Variants in MCM9 observed in about 807,000 individuals in gnomAD.
The protein encoded by MCM9 is minichromosome maintenance 9 homologous recombination repair factor, also known as DNA helicase MCM9.
A neutral mutation model predicts 72.8 loss-of-function variants in MCM9; 55 were observed. The observed-to-expected ratio is 0.76, with a 90% confidence interval of 0.61 to 0.95. MCM9 has a LOEUF of 0.95. MCM9 is among the 40% of genes least tolerant of loss of function. The probability of loss-of-function intolerance (pLI) is 0.00; values close to 1 mark genes in which losing one functional copy is unlikely to be tolerated. For synonymous variants in MCM9, 480 were observed against 503.4 expected, an observed-to-expected ratio of 0.95 and a Z score of 0.62; for missense variants, 1,279 against 1,377.0, an observed-to-expected ratio of 0.93 and a Z score of 1.13.
At chr6:118,905,266 G>T (rs182539991) in intron 8 of MCM9, among the ~76,000 whole-genome samples, 277 of 152,318 alleles carry the variant, frequency 1.8e-3, no homozygotes, top group Admixed American at 5.3e-3. Context: ...CAGTCTATGA[G>T]GAGATCATTT....
At chr6:118,849,949 G>A (rs1226653566) in intron 9 of MCM9, among the ~76,000 whole-genome samples, 1 of 151,826 alleles carries the variant, frequency 6.6e-6, no homozygotes, top group Non-Finnish European at 1.5e-5. Context: ...GAAGAAAACA[G>A]AATGGAAAGG....
chr6:118,829,087 A>T lies in MCM9; in HGVS notation c.1489T>A (p.Trp497Arg). ...LVLLDTKNEDWDRIISSFILE... is the reference protein window; with the variant it reads ...LVLLDTKNEDRDRIISSFILE... ...ATAAAGGAGGAAATGATACGATCCC[A>T]GTCTTCATTCTTGGTATCAAGCAAA... The change falls in exon 10 of 14, where the codon TGG (tryptophan) becomes AGG (arginine). Residue 497 changes from tryptophan to arginine, a missense_variant. Trp to Arg is a moderately radical substitution (Grantham distance 101). Transcript: ENST00000619706. 2 of 1,550,680 alleles carry T rather than the reference A, an allele frequency of 1.3e-6. No individual in the cohort carries two copies. Among genetic ancestry groups the T allele is most frequent in the Non-Finnish European group, 1.7e-6 (2 of 1,147,000 alleles).
chr6:118,822,360 C>T (rs1773873838), intron 13 of MCM9, among the ~76,000 whole-genome samples: 1 of 152,050 alleles, frequency 6.6e-6, no homozygotes, highest in Admixed American at 6.6e-5. Flanking sequence ...GCTAGTTTTT[C>T]TTCTAATAGG....
At chr6:118,866,196 A>C (rs1036976082) in intron 8 of MCM9, among the ~76,000 whole-genome samples, 1 of 152,192 alleles carries the variant, frequency 6.6e-6, no homozygotes, top group Non-Finnish European at 1.5e-5. Flanking sequence ...GCACCTTAAA[A>C]TCTTTGGCCA....
chr6:118,905,364 AATCCT>A (rs1476314338), intron 8 of MCM9, among the ~76,000 whole-genome samples: 1 of 42,650 alleles, frequency 2.3e-5, no homozygotes, highest in Non-Finnish European at 4.2e-5. Context: ...AATAGTGTAT[AATCCT>A]TTCATGAACC....
chr6:118,899,895 G>C (rs888977484), intron 8 of MCM9, among the ~76,000 whole-genome samples: 2 of 152,164 alleles, frequency 1.3e-5, no homozygotes, highest in Non-Finnish European at 2.9e-5. Flanking sequence ...AAGATGAAGA[G>C]GTCTCTCAGA....
intron 9 of MCM9, among the ~76,000 whole-genome samples, chr6:118,834,526 CCTGA>C (rs201719412): frequency 0.02 from 3,027 of 152,060 alleles, 110 homozygotes; most frequent in African/African-American, 0.07. Context: ...GCATCTGTTT[CCTGA>C]CTGTTTAATG....
chr6:118,826,829 G>A lies in MCM9; in HGVS notation c.1768C>T (p.Leu590=), dbSNP rs1352742461. 3.9e-5 allele frequency: 60 copies of A among 1,550,286 alleles called. No individual in the cohort carries two copies. The highest frequency in any genetic ancestry group is 5.1e-5 in the Non-Finnish European group (59 of 1,146,930). Residue 590 remains leucine, a synonymous_variant, in exon 12 of 14, where the codon CTG becomes TTG. Transcript: ENST00000619706. Reference sequence around the variant, plus strand: ...GACACCACCGTAATAGCGTCTTCCAGAGTTACAGTATCACGAAACATCAGG... The same window carrying A: ...GACACCACCGTAATAGCGTCTTCCAAAGTTACAGTATCACGAAACATCAGG... ...ARLMFRDTVT[L]EDAITVVSVM...
chr6:118,819,331 G>C (rs532762126), intron 13 of MCM9, among the ~76,000 whole-genome samples: 1 of 152,236 alleles, frequency 6.6e-6, no homozygotes, highest in African/African-American at 2.4e-5. Flanking sequence ...TAGCACGAAG[G>C]GGTGTTGAAT....
intron 8 of MCM9, among the ~76,000 whole-genome samples, chr6:118,906,315 T>G (rs1273962954): frequency 1.3e-5 from 2 of 152,100 alleles, no homozygotes; most frequent in East Asian, 3.9e-4. Context: ...TCAAGTGATC[T>G]GCCTACCTTG....
rs1423803745 is a variant in MCM9 at position 118,911,709 on chromosome 6, T to C, written c.1091A>G (p.Tyr364Cys). ...PGTGKSQFLK[Y>C]AAKITPRSVL... The stretch of plus-strand genomic sequence containing the variant: ...AGATCTTGGTGTAATCTTTGCTGCA[T>C]ATTTGAGGAACTGAGATTTCCCTGT... The change falls in exon 8 of 14, where the codon TAT (tyrosine) becomes TGT (cysteine). Residue 364 changes from tyrosine (Y) to cysteine (C), a missense_variant. Tyr to Cys is a radical substitution (Grantham distance 194). Coordinates refer to ENST00000619706, the MANE Select transcript of MCM9 (RefSeq NM_017696.3). 1 of 1,613,830 alleles carries C rather than the reference T, an allele frequency of 6.2e-7. No individual in the cohort carries two copies. Among genetic ancestry groups the C allele is most frequent in the Non-Finnish European group, 8.5e-7 (1 of 1,179,868 alleles).
chr6:118,843,690 A>ATATATATGTATGTATATATAGATGTG (rs1562407220), intron 9 of MCM9, among the ~76,000 whole-genome samples: 1 of 29,916 alleles, frequency 3.3e-5, no homozygotes. Context: ...ATATATGTGT[A>ATATATATGTATGTATATATAGATGTG]TATATATATA....
At chr6:118,872,405 T>C (rs1404740732) in intron 8 of MCM9, among the ~76,000 whole-genome samples, 2 of 151,344 alleles carry the variant, frequency 1.3e-5, no homozygotes, top group South Asian at 2.1e-4. Context: ...AAATAACACA[T>C]GGTTCAAAGA....
chr6:118,843,681 T>C (rs1352729062), intron 9 of MCM9, among the ~76,000 whole-genome samples: 1 of 82,850 alleles, frequency 1.2e-5, no homozygotes, highest in African/African-American at 4.4e-5. Context: ...TATGTATATA[T>C]ATATGTGTAT....
intron 9 of MCM9, among the ~76,000 whole-genome samples, chr6:118,840,658 T>C (rs772923015): frequency 6.6e-6 from 1 of 152,008 alleles, no homozygotes; most frequent in Non-Finnish European, 1.5e-5. Flanking sequence ...AAAATAAAAC[T>C]ATACTAATGG....
chr6:118,865,782 A>G (rs989402915), intron 8 of MCM9, among the ~76,000 whole-genome samples: 1 of 152,194 alleles, frequency 6.6e-6, no homozygotes, highest in African/African-American at 2.4e-5. Context: ...ACCCAAGGTA[A>G]TGTCTTCTTA....
At chr6:118,914,437 G>C (rs1386205457) in intron 6 of MCM9, among the ~76,000 whole-genome samples, 2 of 152,124 alleles carry the variant, frequency 1.3e-5, no homozygotes, top group Non-Finnish European at 2.9e-5. Flanking sequence ...TTTTTGTAAT[G>C]AATCAACATT....
intron 8 of MCM9, among the ~76,000 whole-genome samples, chr6:118,880,894 G>A (rs1778243268): frequency 6.6e-6 from 1 of 152,136 alleles, no homozygotes; most frequent in Non-Finnish European, 1.5e-5. Flanking sequence ...TACGTTCCAA[G>A]ACCCCCAGTG....
intron 13 of MCM9, among the ~76,000 whole-genome samples, chr6:118,818,355 A>G (rs1773546048): frequency 6.6e-6 from 1 of 152,190 alleles, no homozygotes; most frequent in African/African-American, 2.4e-5. Flanking sequence ...ATGGCTAACC[A>G]GTTTTCCCAG....
Sources: gnomAD v4.1 joint callset for allele counts (sites outside exome capture counted in the v4.1 genomes callset) on GRCh38, gnomAD v4.1.1 for gene constraint, MANE v1.5 for transcripts, NCBI Gene and HGNC (gene_info 2026-07-23, HGNC 2026-07-21) for gene names.